Variants in ZMYM4 observed in about 807,000 individuals in gnomAD.
ZMYM4 encodes the protein zinc finger MYM-type protein 4.
ZMYM4 carries 31 observed loss-of-function variants against 183.2 expected under a neutral mutation model. The observed-to-expected ratio is 0.17, with a 90% CI of 0.13 to 0.23. The LOEUF is 0.23. Among genes scored for constraint, ZMYM4 ranks in the 10% least tolerant of loss-of-function variants. The probability of loss-of-function intolerance (pLI) is 1.00; values close to 1 mark genes in which losing one functional copy is unlikely to be tolerated. For missense variants in ZMYM4, 1,273 were observed against 1,840.3 expected (o/e 0.69, Z 5.64); for synonymous variants, 592 against 631.2 (o/e 0.94, Z 0.93).
chr1:35,354,515 CAGG>C (rs1373936249), intron 2 of ZMYM4, among the ~76,000 whole-genome samples: 2 of 152,014 alleles, frequency 1.3e-5, no homozygotes, highest in Non-Finnish European at 2.9e-5. Context: ...CACCTGAGGT[CAGG>C]AGTTTTGAGA....
chr1:35,373,254 A>ATATG (rs1644254654), intron 7 of ZMYM4, among the ~76,000 whole-genome samples: 1 of 150,914 alleles, frequency 6.6e-6, no homozygotes, highest in Admixed American at 6.6e-5. Context: ...ATATATATAT[A>ATATG]CACACACACC....
intron 9 of ZMYM4, among the ~76,000 whole-genome samples, chr1:35,384,139 G>A (rs1352833625): frequency 6.6e-6 from 1 of 152,126 alleles, no homozygotes; most frequent in Non-Finnish European, 1.5e-5. Flanking sequence ...ATGCTATGAT[G>A]GAAGTATTAT....
At chr1:35,310,955 G>T (rs1261366596) in intron 1 of ZMYM4, among the ~76,000 whole-genome samples, 1 of 152,042 alleles carries the variant, frequency 6.6e-6, no homozygotes, top group African/African-American at 2.4e-5. Flanking sequence ...ATACTGGATT[G>T]AATTTTAAAC....
intron 2 of ZMYM4, 66 bp downstream of exon 2, chr1:35,325,471 G>T: frequency 6.6e-7 from 1 of 1,505,560 alleles, no homozygotes; most frequent in Non-Finnish European, 9.1e-7. Context: ...TCTAGATGTG[G>T]TATTTAACTA....
intron 7 of ZMYM4, among the ~76,000 whole-genome samples, chr1:35,380,388 C>T (rs908842226): frequency 3.3e-5 from 5 of 151,906 alleles, no homozygotes; most frequent in Admixed American, 1.3e-4. Context: ...AGTGCAGTGG[C>T]ACAATCTTGG....
intron 2 of ZMYM4, among the ~76,000 whole-genome samples, chr1:35,330,814 C>T (rs1291694923): frequency 6.6e-6 from 1 of 152,208 alleles, no homozygotes; most frequent in Admixed American, 6.5e-5. Flanking sequence ...GACCCTCCTT[C>T]CAAATCTTTC....
intron 20 of ZMYM4, among the ~76,000 whole-genome samples, chr1:35,397,972 A>G (rs1644838732): frequency 6.6e-6 from 1 of 152,222 alleles, no homozygotes; most frequent in Admixed American, 6.5e-5. Context: ...ATCATGATAA[A>G]AACAATAGTT....
chr1:35,373,150 C>G (rs952333345), intron 7 of ZMYM4, among the ~76,000 whole-genome samples: 10 of 151,512 alleles, frequency 6.6e-5, no homozygotes, highest in Admixed American at 5.9e-4. Context: ...CAGAGTGAGA[C>G]TCTATCTCAA....
chr1:35,269,159 G>C, intron 1 of ZMYM4, 74 bp downstream of exon 1: 6 of 1,528,656 alleles, frequency 3.9e-6, no homozygotes, highest in Non-Finnish European at 5.3e-6. Context: ...GCCATACTCA[G>C]GTTCGTGGAG....
At position 35,303,095 on chromosome 1, in the gene ZMYM4, CA is replaced by C. The variant is rs1297632442; in HGVS notation, c.40-22252del. On this transcript the variant is annotated intron_variant, in intron 1 of 29. Coordinates refer to ENST00000314607, the MANE Select transcript of ZMYM4 (RefSeq NM_005095.3). Reference sequence around the variant, plus strand: ...TTCGAGTCCAACCTGGGAAACCTGGCAAAAAAAAAAAAACAAAAAAACCTTG... The same window carrying C: ...TTCGAGTCCAACCTGGGAAACCTGGCAAAAAAAAAAAACAAAAAAACCTTG... 2.5e-3 allele frequency among the ~76,000 whole-genome samples: 272 copies of C among 110,516 alleles called. 1 individual carries two copies. Among genetic ancestry groups the C allele is most frequent in the African/African-American group, 5.6e-3 (169 of 30,418 alleles). The allele number at this position is 110,516 out of a possible 152,430, so 72.5% of individuals were successfully genotyped here.
chr1:35,414,413 G>T (rs1408152001), intron 27 of ZMYM4, among the ~76,000 whole-genome samples: 1 of 152,174 alleles, frequency 6.6e-6, no homozygotes, highest in Admixed American at 6.5e-5. Flanking sequence ...TAGTTTGTAT[G>T]TATACTGAAC....
In ZMYM4 at chr1:35,389,884, A is replaced by G; in HGVS notation, c.2437-64A>G. On this transcript the variant is annotated intron_variant, in intron 14 of 29. Transcript: ENST00000314607. This position sits in a 1 kb window ranked among gnomAD's most constrained non-coding sequence, Gnocchi z 4.0. The stretch of plus-strand genomic sequence containing the variant: ...TTTCGTCACTTGTTATGTGTGTCTT[A>G]TTTTTATTTTGTCAGACCACAGATA... 2 of 1,527,994 alleles carry G rather than the reference A, an allele frequency of 1.3e-6. No homozygotes were observed. Among genetic ancestry groups the G allele is most frequent in the Non-Finnish European group, 1.8e-6 (2 of 1,133,016 alleles). The allele number at this position is 1,527,994 out of a possible 1,614,324, so 94.7% of individuals were successfully genotyped here. A position where few individuals can be genotyped will look rare whatever the true frequency, so the allele number is the denominator to read the frequency against.
At chr1:35,333,617 C>T (rs1384564123) in intron 2 of ZMYM4, among the ~76,000 whole-genome samples, 1 of 151,998 alleles carries the variant, frequency 6.6e-6, no homozygotes, top group Middle Eastern at 3.2e-3. Context: ...CTCACCTTCC[C>T]ATATCATTGT....
rs765573029 is a variant in ZMYM4 at position 35,385,467 on chromosome 1, C to T, written c.1595C>T (p.Ala532Val). 2.2e-5 allele frequency: 35 copies of T among 1,611,306 alleles called. No individual in the cohort carries two copies. The highest frequency in any genetic ancestry group is 1.1e-4 in the East Asian group (5 of 44,740). ...KQKSAKITPC[A>V]LCKSLRSSAE... ...AAATCAGCCAAAATTACACCGTGTG[C>T]GCTTTGCAAATCATTGAGATCCTCA... Residue 532 changes from alanine (A) to valine (V), a missense_variant, in exon 10 of 30, where the codon GCG becomes GTG. Transcript: ENST00000314607.
chr1:35,285,158 G>A (rs963002393), intron 1 of ZMYM4, among the ~76,000 whole-genome samples: 2 of 151,792 alleles, frequency 1.3e-5, no homozygotes, highest in African/African-American at 2.4e-5. Context: ...GCTATTTGGG[G>A]TGTGTTGAAA....
chr1:35,310,097 T>C (rs975996931), intron 1 of ZMYM4, among the ~76,000 whole-genome samples: 12 of 151,968 alleles, frequency 7.9e-5, no homozygotes, highest in Admixed American at 2.0e-4. Flanking sequence ...GCCCGGCTAA[T>C]GTTTGTATAT....
chr1:35,305,058 A>G (rs147384568), intron 1 of ZMYM4, among the ~76,000 whole-genome samples: 1 of 151,952 alleles, frequency 6.6e-6, no homozygotes, highest in Non-Finnish European at 1.5e-5. Flanking sequence ...GTTGGCCAGG[A>G]TGGTGTTGAT....
intron 1 of ZMYM4, among the ~76,000 whole-genome samples, chr1:35,302,716 C>G (rs1641348256): frequency 6.6e-6 from 1 of 151,722 alleles, no homozygotes; most frequent in Admixed American, 6.6e-5. Context: ...GAGATGGGAT[C>G]TTACTATGTT....
intron 7 of ZMYM4, among the ~76,000 whole-genome samples, chr1:35,380,962 C>T (rs1469341114): frequency 6.6e-6 from 1 of 151,542 alleles, no homozygotes; most frequent in African/African-American, 2.4e-5. Flanking sequence ...TCGTATAATC[C>T]CTCCTGTAGA....
Sources: allele counts gnomAD v4.1 joint callset (sites outside exome capture counted in the v4.1 genomes callset), GRCh38; gene constraint gnomAD v4.1.1; non-coding constraint Gnocchi (gnomAD v3.1); transcripts MANE v1.5; gene names NCBI Gene and HGNC (gene_info 2026-07-23, HGNC 2026-07-21).